LINGO2: variants seen among roughly 807,000 people sequenced by gnomAD.
The protein encoded by LINGO2 is leucine rich repeat and Ig domain containing 2.
LINGO2 carries 14 observed loss-of-function variants against 30.6 expected under a neutral mutation model. The ratio of observed to expected loss-of-function variants is 0.46; its 90% CI spans 0.30 to 0.72. LINGO2 has a LOEUF of 0.72. LINGO2 is among the 30% of genes least tolerant of loss of function. The pLI, the probability that LINGO2 is intolerant of heterozygous loss-of-function variation, is 0.07. For synonymous variants in LINGO2, 317 were observed against 288.5 expected (o/e 1.10, Z -1.00); for missense variants, 729 against 751.7 (o/e 0.97, Z 0.35).
chr9:27,989,810 A>G (rs1291970909), intron 5 of LINGO2, among the ~76,000 whole-genome samples: 1 of 152,046 alleles, frequency 6.6e-6, no homozygotes, highest in African/African-American at 2.4e-5. Flanking sequence ...AAGCTTAATG[A>G]TGAAGTTCAT....
chr9:28,129,189 T>C lies in LINGO2; in HGVS notation c.-86-116784A>G, dbSNP rs1293558943. 6.6e-6 allele frequency among the ~76,000 whole-genome samples: 1 copy of C among 152,178 alleles called. No homozygotes were observed. The highest frequency in any genetic ancestry group is 1.5e-5 in the Non-Finnish European group (1 of 68,032). On this transcript the variant is annotated intron_variant, in intron 4 of 5. Transcript: ENST00000379992. This position sits in a 1 kb window ranked among gnomAD's most constrained non-coding sequence, Gnocchi z 4.0. ...GACTCGGGCTGATCTACCACTGGCT[T>C]CCTTGCTCCTCAGCTTGCAGGCAGC...
intron 5 of LINGO2, among the ~76,000 whole-genome samples, chr9:27,963,960 C>G (rs909930590): frequency 6.6e-6 from 1 of 152,066 alleles, no homozygotes; most frequent in Non-Finnish European, 1.5e-5. Flanking sequence ...TACCTAAGTT[C>G]TTTGAAGGAC....
At chr9:29,052,736 T>G in the LINGO2 span, among the ~76,000 whole-genome samples, 1 of 152,134 alleles carries the variant, frequency 6.6e-6, no homozygotes, top group East Asian at 1.9e-4. Context: ...TTGGTGAAAT[T>G]AACACCTTTT....
At chr9:29,162,598 A>T in the LINGO2 span, among the ~76,000 whole-genome samples, 10 of 152,226 alleles carry the variant, frequency 6.6e-5, no homozygotes, top group African/African-American at 2.4e-4. Context: ...TGAAAGGGAC[A>T]TTTGGACAGA....
chr9:28,005,911 T>C (rs768606201), intron 5 of LINGO2, among the ~76,000 whole-genome samples: 23 of 152,150 alleles, frequency 1.5e-4, no homozygotes, highest in Admixed American at 2.6e-4. Context: ...GTCTGGTTTC[T>C]ATTAAAGCCA....
intron 4 of LINGO2, among the ~76,000 whole-genome samples, chr9:28,137,585 A>G (rs1334938897): frequency 6.6e-6 from 1 of 151,860 alleles, no homozygotes; most frequent in Non-Finnish European, 1.5e-5. Context: ...GACTTTATAT[A>G]TATTTTATAT....
chr9:28,557,904 C>G (rs1311177682), intron 1 of LINGO2, among the ~76,000 whole-genome samples: 2 of 149,678 alleles, frequency 1.3e-5, no homozygotes, highest in South Asian at 4.2e-4. Flanking sequence ...GGACAAAAAA[C>G]CAAACACCAC....
chr9:28,889,411 C>T, the LINGO2 span, among the ~76,000 whole-genome samples: 39 of 149,498 alleles, frequency 2.6e-4, no homozygotes, highest in African/African-American at 9.1e-4. Flanking sequence ...TTCCATGTCA[C>T]ACCATTTAAC....
intron 4 of LINGO2, among the ~76,000 whole-genome samples, chr9:28,232,307 G>C (rs1480229575): frequency 6.6e-6 from 1 of 150,822 alleles, no homozygotes; most frequent in Non-Finnish European, 1.5e-5. Context: ...GCTGAGGCTG[G>C]AGAATTGCTT....
At chr9:28,356,783 T>C (rs956370732) in intron 3 of LINGO2, among the ~76,000 whole-genome samples, 3 of 152,094 alleles carry the variant, frequency 2.0e-5, no homozygotes, top group Admixed American at 6.6e-5. Flanking sequence ...AAGTGCATCC[T>C]TCTATTGAGC....
At chr9:29,172,553 A>G in the LINGO2 span, among the ~76,000 whole-genome samples, 2 of 151,988 alleles carry the variant, frequency 1.3e-5, no homozygotes, top group Admixed American at 6.6e-5. Context: ...CTTATAAAAC[A>G]TTTAATAATC....
chr9:28,881,063 G>T, the LINGO2 span, among the ~76,000 whole-genome samples: 1 of 152,204 alleles, frequency 6.6e-6, no homozygotes, highest in South Asian at 2.1e-4. Flanking sequence ...GAACTCAGAG[G>T]CCGGTGCAGG....
chr9:28,170,347 C>A (rs1030854528), intron 4 of LINGO2, among the ~76,000 whole-genome samples: 1 of 152,118 alleles, frequency 6.6e-6, no homozygotes, highest in Non-Finnish European at 1.5e-5. Context: ...GAAATAGAAA[C>A]AGCTTCCACC....
chr9:28,598,940 C>T (rs1441344807), intron 1 of LINGO2: 1 of 152,098 alleles, frequency 6.6e-6, no homozygotes, highest in African/African-American at 2.4e-5. Flanking sequence ...TAGGATCCAC[C>T]ATTAAACTTC....
chr9:29,163,788 A>T, the LINGO2 span, among the ~76,000 whole-genome samples: 1 of 151,972 alleles, frequency 6.6e-6, no homozygotes, highest in Non-Finnish European at 1.5e-5. Context: ...TGTTTGGAAA[A>T]CTTAAAATAA....
chr9:28,905,787 A>G, the LINGO2 span, among the ~76,000 whole-genome samples: 1 of 152,054 alleles, frequency 6.6e-6, no homozygotes, highest in Non-Finnish European at 1.5e-5. Context: ...CTGTCATATG[A>G]TCCAGCAATC....
At chr9:28,705,549 C>T in the LINGO2 span, among the ~76,000 whole-genome samples, 1 of 152,044 alleles carries the variant, frequency 6.6e-6, no homozygotes, top group African/African-American at 2.4e-5. Context: ...GAAGGCAGCC[C>T]ATGCTCATAA....
the LINGO2 span, among the ~76,000 whole-genome samples, chr9:28,970,646 A>C: frequency 1.3e-5 from 2 of 152,150 alleles, no homozygotes; most frequent in African/African-American, 4.8e-5. Flanking sequence ...AAACTAGACC[A>C]GACTCAGCTG....
At chr9:28,816,023 A>G in the LINGO2 span, among the ~76,000 whole-genome samples, 5 of 152,198 alleles carry the variant, frequency 3.3e-5, no homozygotes, top group African/African-American at 1.2e-4. Context: ...TTGCTACAGC[A>G]TAACATGGTG....
Sources: gnomAD v4.1 joint callset for allele counts (sites outside exome capture counted in the v4.1 genomes callset) on GRCh38, gnomAD v4.1.1 for gene constraint, Gnocchi (gnomAD v3.1) non-coding constraint, MANE v1.5 for transcripts, NCBI Gene and HGNC (gene_info 2026-07-23, HGNC 2026-07-21) for gene names.